GDPD1: variants seen among roughly 807,000 people sequenced by gnomAD.
GDPD1 encodes lysophospholipase D GDPD1.
GDPD1 carries 28 observed loss-of-function variants against 45.1 expected under a neutral mutation model. That is an observed-to-expected ratio of 0.62 (90% confidence interval 0.46 to 0.85). GDPD1 has a LOEUF of 0.85. Ranked by LOEUF, GDPD1 falls within the 40% of genes least tolerant of loss-of-function variation. The pLI is 0.00. For missense variants in GDPD1, 256 were observed against 364.8 expected (o/e 0.70, Z 2.43); for synonymous variants, 139 against 131.4 (o/e 1.06, Z -0.40).
chr17:59,266,563 A>G (rs1172993131), intron 6 of GDPD1, among the ~76,000 whole-genome samples: 1 of 152,072 alleles, frequency 6.6e-6, no homozygotes, highest in East Asian at 1.9e-4. Flanking sequence ...AATCCTATTT[A>G]TATTTTATAT....
intron 6 of GDPD1, among the ~76,000 whole-genome samples, chr17:59,264,842 A>G: frequency 6.6e-6 from 1 of 152,034 alleles, no homozygotes; most frequent in Non-Finnish European, 1.5e-5. Context: ...TTATTTATTT[A>G]TATAATTTTT....
intron 1 of GDPD1, among the ~76,000 whole-genome samples, chr17:59,229,956 TTG>T (rs1160212834): frequency 3.3e-5 from 5 of 152,186 alleles, no homozygotes; most frequent in Non-Finnish European, 7.3e-5. Flanking sequence ...GCATTATTTA[TTG>T]TGTGTTTTTG....
At chr17:59,269,083 A>T (rs1363334343) in intron 7 of GDPD1, among the ~76,000 whole-genome samples, 1 of 151,280 alleles carries the variant, frequency 6.6e-6, no homozygotes, top group African/African-American at 2.4e-5. Context: ...TGGATCACAA[A>T]GTCAGGAGTT....
chr17:59,264,155 T>A (rs934055872), intron 6 of GDPD1, among the ~76,000 whole-genome samples: 1 of 151,294 alleles, frequency 6.6e-6, no homozygotes, highest in Admixed American at 6.6e-5. Flanking sequence ...CACGTCACCA[T>A]GCCTGGCTAA....
chr17:59,237,041 G>GT (rs571076047), intron 2 of GDPD1, among the ~76,000 whole-genome samples: 37 of 151,238 alleles, frequency 2.4e-4, no homozygotes, highest in South Asian at 8.4e-4. Context: ...AACTTAGAAG[G>GT]TTTTTTTTTG....
chr17:59,224,550 G>A (rs1359317994), intron 1 of GDPD1, among the ~76,000 whole-genome samples: 2 of 151,492 alleles, frequency 1.3e-5, no homozygotes, highest in Non-Finnish European at 2.9e-5. Flanking sequence ...GCGTGAACCC[G>A]GGAGGCGGAG....
At chr17:59,260,539 T>TA (rs891030201) in intron 6 of GDPD1, among the ~76,000 whole-genome samples, 32 of 146,762 alleles carry the variant, frequency 2.2e-4, no homozygotes, top group Admixed American at 3.4e-4. Context: ...GAGACTCTTC[T>TA]AAAAAAAAAA....
At chr17:59,254,978 CAGTCCCATCAGAGTAACCCAG>C (rs1392459892) in intron 4 of GDPD1, among the ~76,000 whole-genome samples, 1 of 152,206 alleles carries the variant, frequency 6.6e-6, no homozygotes, top group Non-Finnish European at 1.5e-5. Context: ...CAATGATTGA[CAGTCCCATCAGAGTAACCCAG>C]AGCCCCATCA....
At chr17:59,250,917 C>G (rs2047248357) in intron 4 of GDPD1, among the ~76,000 whole-genome samples, 2 of 152,016 alleles carry the variant, frequency 1.3e-5, no homozygotes, top group African/African-American at 4.8e-5. Flanking sequence ...CCAGGCTGGT[C>G]TTGAATTGCT....
intron 2 of GDPD1, among the ~76,000 whole-genome samples, chr17:59,244,919 C>G (rs1366611489): frequency 1.3e-5 from 2 of 152,052 alleles, no homozygotes; most frequent in African/African-American, 4.8e-5. Flanking sequence ...TCACTTGAGC[C>G]CAGGAGTTTG....
chr17:59,240,162 G>A (rs2147882949), intron 2 of GDPD1, among the ~76,000 whole-genome samples: 1 of 152,018 alleles, frequency 6.6e-6, no homozygotes, highest in Admixed American at 6.5e-5. Context: ...GTGGTGATGC[G>A]CGCTTGTAGT....
rs759912916 is a variant in GDPD1 at position 59,267,085 on chromosome 17, C to A, written c.621C>A (p.Leu207=). 2 of 1,613,224 alleles carry A rather than the reference C, an allele frequency of 1.2e-6. No homozygotes were observed. Among genetic ancestry groups the A allele is most frequent in the Non-Finnish European group, 1.7e-6 (2 of 1,179,188 alleles). ...PILFSLQRVL[L]ILGLFFTGLL... ...TCTTCAGTCTACAACGTGTCCTGCT[C>A]ATTCTTGGCCTTTTCTTCACTGGCC... The change falls in exon 7 of 10, where the codon CTC becomes CTA. Residue 207 remains leucine (L), a synonymous_variant. Transcript: ENST00000284116.
chr17:59,239,093 T>C (rs2047156496), intron 2 of GDPD1, among the ~76,000 whole-genome samples: 1 of 152,150 alleles, frequency 6.6e-6, no homozygotes. Context: ...AGAAGCAAAT[T>C]GTATTAGCAA....
At position 59,272,802 on chromosome 17, in the gene GDPD1, C is replaced by T. The variant is rs1223518046; in HGVS notation, c.788C>T (p.Ala263Val). 6.2e-7 allele frequency: 1 copy of T among 1,612,136 alleles called. No homozygotes were observed. The highest frequency in any genetic ancestry group is 1.7e-5 in the Admixed American group (1 of 59,962). The change falls in exon 9 of 10, where the codon GCT (alanine) becomes GTT (valine). Residue 263 changes from alanine (A) to valine (V), a missense_variant. Physicochemically the swap from Ala to Val is moderately conservative, Grantham distance 64 (BLOSUM62 0). Transcript: ENST00000284116. ...TTTTCTAGCTTACTAATGAGGAAAG[C>T]TTTGTTTGACCACCTAACTGCTCGA... ...WLSDLLLMRK[A>V]LFDHLTARGI...
intron 1 of GDPD1, among the ~76,000 whole-genome samples, chr17:59,225,562 T>G (rs1217033912): frequency 6.6e-6 from 1 of 151,602 alleles, no homozygotes; most frequent in Non-Finnish European, 1.5e-5. Context: ...TCATAATTAA[T>G]AAGAGGCCAC....
chr17:59,221,419 CTT>C (rs36143328), intron 1 of GDPD1, among the ~76,000 whole-genome samples: 25 of 126,822 alleles, frequency 2.0e-4, no homozygotes, highest in South Asian at 1.3e-3. Context: ...AACCTTGCAT[CTT>C]TTTTTTTTTT....
At chr17:59,238,416 A>ATT (rs112285979) in intron 2 of GDPD1, among the ~76,000 whole-genome samples, 1 of 143,226 alleles carries the variant, frequency 7.0e-6, no homozygotes, top group Non-Finnish European at 1.5e-5. Context: ...ATTATTTTTT[A>ATT]TTTTTTTTTT....
At chr17:59,223,697 A>G (rs2047023608) in intron 1 of GDPD1, among the ~76,000 whole-genome samples, 2 of 152,256 alleles carry the variant, frequency 1.3e-5, no homozygotes, top group Non-Finnish European at 2.9e-5. Flanking sequence ...TGTTATGTGT[A>G]TAAAGTATAT....
At chr17:59,270,336 G>A (rs1049022995) in intron 7 of GDPD1, among the ~76,000 whole-genome samples, 1 of 151,732 alleles carries the variant, frequency 6.6e-6, no homozygotes, top group African/African-American at 2.4e-5. Context: ...TGTGATTACA[G>A]GTGTGCGCCA....
Sources: gnomAD v4.1 joint callset for allele counts (sites outside exome capture counted in the v4.1 genomes callset) on GRCh38, gnomAD v4.1.1 for gene constraint, MANE v1.5 for transcripts, NCBI Gene and HGNC (gene_info 2026-07-23, HGNC 2026-07-21) for gene names.